The following UBR3 variants were observed in gnomAD, a reference collection of about 807,000 sequenced individuals.
UBR3 encodes the protein E3 ubiquitin-protein ligase UBR3.
A neutral mutation model predicts 243.2 loss-of-function variants in UBR3; 85 were observed. The ratio of observed to expected loss-of-function variants is 0.35; its 90% CI spans 0.29 to 0.42. The LOEUF is 0.42. UBR3 is among the 10% of genes least tolerant of loss of function. The pLI is 1.00. For synonymous variants in UBR3, 748 were observed against 799.8 expected (o/e 0.94, Z 1.09); for missense variants, 1,686 against 2,300.8 (o/e 0.73, Z 5.47).
chr2:170,036,890 C>A (rs1470130844), intron 31 of UBR3, among the ~76,000 whole-genome samples: 2 of 152,056 alleles, frequency 1.3e-5, no homozygotes, highest in African/African-American at 4.8e-5. Context: ...TTTCCTATTA[C>A]TTTCATACTT....
In UBR3 at chr2:170,082,699, G is replaced by A. The variant is rs1252493648; in HGVS notation, c.*856G>A. ...ATGCCCACCTTTTATTACCAAACAA[G>A]GTTTTGTTTATATGATTGTATTAGA... On this transcript the variant is annotated 3_prime_UTR_variant, in exon 39 of 39. Coordinates refer to ENST00000272793, the MANE Select transcript of UBR3 (RefSeq NM_172070.4). 1 of 152,378 alleles carries A rather than the reference G, an allele frequency of 6.6e-6. No individual in the cohort carries two copies. Among genetic ancestry groups the A allele is most frequent in the Non-Finnish European group, 1.5e-5 (1 of 67,986 alleles). 9.4% of individuals were successfully genotyped at this position (152,378 alleles called of 1,614,324 possible).
chr2:170,059,584 A>C, intron 33 of UBR3, among the ~76,000 whole-genome samples: 1 of 152,200 alleles, frequency 6.6e-6, no homozygotes. Context: ...TTAGCGAGAT[A>C]TTGATTCTTG....
intron 5 of UBR3, among the ~76,000 whole-genome samples, chr2:169,887,311 G>A (rs572856089): frequency 2.6e-4 from 40 of 152,330 alleles, no homozygotes; most frequent in African/African-American, 9.4e-4. Flanking sequence ...TCTGGGTTGA[G>A]ATTGTATTTG....
At chr2:170,072,264 C>G (rs2091714313) in intron 35 of UBR3, among the ~76,000 whole-genome samples, 1 of 152,136 alleles carries the variant, frequency 6.6e-6, no homozygotes, top group South Asian at 2.1e-4. Flanking sequence ...GAGTTCATAT[C>G]CTTTGTAGGG....
At chr2:170,004,891 A>G (rs1417199208) in intron 27 of UBR3, among the ~76,000 whole-genome samples, 1 of 151,828 alleles carries the variant, frequency 6.6e-6, no homozygotes, top group African/African-American at 2.4e-5. Flanking sequence ...AGCCTGGGCA[A>G]CAAAAGCAAA....
Position 170,017,522 on chromosome 2 carries a change from GACACACAC to G in UBR3, c.4453+2172_4453+2179del, listed in dbSNP as rs66540837. Among the ~76,000 whole-genome samples the G allele has an allele frequency of 1.7e-3, 244 of 145,148 alleles. 1 individual carries two copies. The highest frequency in any genetic ancestry group is 4.0e-3 in the African/African-American group (155 of 38,758). On this transcript the variant is annotated intron_variant, in intron 30 of 38. Transcript: ENST00000272793. ...GCGTAATGCCTGGTATATAATTACG[GACACACAC>G]ACACACACACACACAGACACACACA...
In UBR3 at chr2:169,983,907, C is replaced by T. The variant is rs57096454; in HGVS notation, c.3635-2738C>T. Among the ~76,000 whole-genome samples the T allele has an allele frequency of 5.8e-3, 875 of 152,098 alleles. 7 individuals are homozygous for T. Among genetic ancestry groups the T allele is most frequent in the African/African-American group, 0.02 (826 of 41,472 alleles). On this transcript the variant is annotated intron_variant, in intron 24 of 38. Coordinates refer to ENST00000272793, the MANE Select transcript of UBR3 (RefSeq NM_172070.4). ...GGCAAATGTGAATTTTATACAGAAA[C>T]CCTTTGAATTTGAATTGAACTGAAA...
intron 26 of UBR3, among the ~76,000 whole-genome samples, chr2:169,996,331 T>C (rs1056530892): frequency 6.6e-6 from 1 of 152,204 alleles, no homozygotes; most frequent in Non-Finnish European, 1.5e-5. Flanking sequence ...GCCAAATCCC[T>C]TAAGTGGTCT....
intron 5 of UBR3, among the ~76,000 whole-genome samples, chr2:169,886,613 G>A (rs913962174): frequency 4.5e-4 from 68 of 151,816 alleles, no homozygotes; most frequent in Non-Finnish European, 1.5e-4. Flanking sequence ...TAAAATCTAT[G>A]TCCTCATTTA....
chr2:169,856,950 T>C lies in UBR3; in HGVS notation c.546-15286T>C, dbSNP rs1406572724. On this transcript the variant is annotated intron_variant, in intron 1 of 38. Coordinates refer to ENST00000272793, the MANE Select transcript of UBR3 (RefSeq NM_172070.4). ...GTAGAAAAAAGGTGTTTCAGTCTAG[T>C]TTTCTTTCTTTTTTGGCCTGTGTGT... Among the ~76,000 whole-genome samples the C allele has an allele frequency of 2.0e-5, 3 of 152,090 alleles. No individual in the cohort carries two copies. The East Asian group carries it at 5.8e-4, about 29-fold the overall frequency.
chr2:169,869,411 A>ATGG (rs1193795014), intron 1 of UBR3, among the ~76,000 whole-genome samples: 6 of 151,548 alleles, frequency 4.0e-5, no homozygotes, highest in Admixed American at 6.6e-5. Context: ...TTTAGTAGAG[A>ATGG]TGGTGCTTCA....
At chr2:169,897,221 G>T (rs2084625335) in intron 8 of UBR3, among the ~76,000 whole-genome samples, 1 of 151,912 alleles carries the variant, frequency 6.6e-6, no homozygotes, top group Non-Finnish European at 1.5e-5. Flanking sequence ...TAAATTTGCT[G>T]CTATCAGTCT....
At chr2:170,066,865 G>A (rs1307294573) in intron 35 of UBR3, among the ~76,000 whole-genome samples, 2 of 151,976 alleles carry the variant, frequency 1.3e-5, no homozygotes, top group Non-Finnish European at 2.9e-5. Context: ...TTGGGAGGCT[G>A]AGGCAGGAGA....
chr2:169,876,226 G>T (rs1013671209), intron 3 of UBR3, among the ~76,000 whole-genome samples: 1 of 151,018 alleles, frequency 6.6e-6, no homozygotes, highest in African/African-American at 2.4e-5. Context: ...GACTACAGGC[G>T]CCCGCCACTA....
intron 5 of UBR3, among the ~76,000 whole-genome samples, chr2:169,890,563 A>ATATATATATATATATGTGTGTG (rs1255881148): frequency 6.0e-5 from 5 of 83,878 alleles, no homozygotes; most frequent in African/African-American, 1.5e-4. Context: ...ATATATATAT[A>ATATATATATATATATGTGTGTG]TGTGTATATA....
intron 1 of UBR3, among the ~76,000 whole-genome samples, chr2:169,845,498 G>A (rs2082436887): frequency 1.9e-5 from 1 of 53,174 alleles, no homozygotes; most frequent in South Asian, 6.9e-4. Context: ...CCTCTTCGTC[G>A]TCATCGTCGT....
At chr2:170,049,982 T>C (rs528346775) in intron 32 of UBR3, among the ~76,000 whole-genome samples, 1 of 152,214 alleles carries the variant, frequency 6.6e-6, no homozygotes, top group Admixed American at 6.5e-5. Flanking sequence ...TTAACACTTA[T>C]ATTGTGATCA....
At chr2:169,842,511 C>T (rs1165507733) in intron 1 of UBR3, among the ~76,000 whole-genome samples, 3 of 152,170 alleles carry the variant, frequency 2.0e-5, no homozygotes, top group Non-Finnish European at 1.5e-5. Flanking sequence ...ATAAATCTTG[C>T]TACTGCTCAC....
intron 23 of UBR3, among the ~76,000 whole-genome samples, chr2:169,957,022 G>C (rs2087332753): frequency 6.6e-6 from 1 of 152,124 alleles, no homozygotes; most frequent in African/African-American, 2.4e-5. Flanking sequence ...TCCTCTTTGA[G>C]TTTTGTTCAA....
Sources: gnomAD v4.1 joint callset for allele counts (sites outside exome capture counted in the v4.1 genomes callset) on GRCh38, gnomAD v4.1.1 for gene constraint, MANE v1.5 for transcripts, NCBI Gene and HGNC (gene_info 2026-07-23, HGNC 2026-07-21) for gene names.